The following TEX15 variants were observed in gnomAD, a reference collection of about 807,000 sequenced individuals.
TEX15 encodes the protein testis-expressed protein 15.
A neutral mutation model predicts 237.3 loss-of-function variants in TEX15; 171 were observed. The observed-to-expected ratio is 0.72, with a 90% CI of 0.64 to 0.82. The LOEUF (loss-of-function observed/expected upper bound fraction) is 0.82. Among genes scored for constraint, TEX15 ranks in the 40% least tolerant of loss-of-function variants. The probability of loss-of-function intolerance (pLI) is 0.00; values close to 1 mark genes in which losing one functional copy is unlikely to be tolerated. For synonymous variants in TEX15, 1,338 were observed against 1,269.8 expected (o/e 1.05, Z -1.14); for missense variants, 3,750 against 3,646.5 (o/e 1.03, Z -0.73).
intron 1 of TEX15, among the ~76,000 whole-genome samples, chr8:30,901,960 C>A (rs1355555237): frequency 3.3e-5 from 5 of 152,192 alleles, no homozygotes; most frequent in African/African-American, 1.2e-4. Context: ...ACCTGTATTT[C>A]TGGTCTAGTG....
At chr8:30,874,804 AT>A in intron 4 of TEX15, 132 bp downstream of exon 4, 1 of 508,662 alleles carries the variant, frequency 2.0e-6, no homozygotes, top group Non-Finnish European at 3.0e-6. Context: ...GACTATGAGA[AT>A]GTAACAAAAA....
At chr8:30,901,085 C>T (rs1808996904) in intron 1 of TEX15, among the ~76,000 whole-genome samples, 1 of 152,232 alleles carries the variant, frequency 6.6e-6, no homozygotes, top group Non-Finnish European at 1.5e-5. Context: ...CTGCAATGAG[C>T]TGTGTTTGTG....
Position 30,845,617 on chromosome 8 carries a change from G to T in TEX15, c.4550C>A (p.Ser1517Ter), listed in dbSNP as rs771605655. 1.9e-6 allele frequency: 3 copies of T among 1,613,596 alleles called. No homozygotes were observed. In the East Asian group the frequency reaches 6.7e-5, roughly 36 times the overall value. Residue 1517 changes from serine to a stop codon, truncating the protein, a stop_gained, in exon 8 of 11, where the codon TCA (serine) becomes TAA (stop). Coordinates refer to ENST00000643185, the MANE Select transcript of TEX15 (RefSeq NM_001350162.2). LOFTEE classifies it high-confidence loss of function. The stretch of plus-strand genomic sequence containing the variant: ...GGATGTGGAGGATACAGGCAACTGT[G>T]ATTCAGGATGTTCTTGATTACAAAA... ...GEFCNQEHPE[S>*]QLPVSSTSQS... is the part of the protein sequence containing the mutation.
intron 1 of TEX15, among the ~76,000 whole-genome samples, chr8:30,910,588 G>C (rs920394364): frequency 6.7e-6 from 1 of 149,758 alleles, no homozygotes; most frequent in African/African-American, 2.5e-5. Context: ...GGGGACCAAA[G>C]GCTTGCACCA....
intron 10 of TEX15, among the ~76,000 whole-genome samples, chr8:30,835,935 A>G (rs373831227): frequency 3.8e-4 from 58 of 152,292 alleles, no homozygotes; most frequent in South Asian, 1.2e-3. Context: ...GTCTAATTGA[A>G]ATTTATTTTC....
rs1205924899 is a variant in TEX15 at position 30,842,807 on chromosome 8, T to C, written c.7360A>G (p.Thr2454Ala). 1 of 1,613,262 alleles carries C rather than the reference T, an allele frequency of 6.2e-7. No homozygotes were observed. The highest frequency in any genetic ancestry group is 1.3e-5 in the African/African-American group (1 of 74,928). ...MYIEIVMVSETIHFLKNSIAK... is the reference protein window; with the variant it reads ...MYIEIVMVSEAIHFLKNSIAK... Reference sequence around the variant, plus strand: ...ATTGAGTTTTTAAGAAAGTGAATTGTTTCTGAGACCATGACGATTTCAATA... The same window carrying C: ...ATTGAGTTTTTAAGAAAGTGAATTGCTTCTGAGACCATGACGATTTCAATA... Residue 2454 changes from threonine to alanine, a missense_variant, in exon 8 of 11, where the codon ACA (threonine) becomes GCA (alanine). Coordinates refer to ENST00000643185, the MANE Select transcript of TEX15 (RefSeq NM_001350162.2).
In TEX15 at chr8:30,848,102, C is replaced by G; in HGVS notation, c.2065G>C (p.Glu689Gln). The G allele has an allele frequency of 6.2e-7, 1 of 1,610,266 alleles. No homozygotes were observed. Among genetic ancestry groups the G allele is most frequent in the Non-Finnish European group, 8.5e-7 (1 of 1,178,072 alleles). The change falls in exon 8 of 11, where the codon GAA becomes CAA. Residue 689 changes from glutamate (E) to glutamine (Q), a missense_variant. By Grantham distance (29) the Glu-to-Gln change is conservative. Transcript: ENST00000643185. Reference sequence around the variant, plus strand: ...GTAGATGTAGAAGATTTTGTTATTTCTAACTCTTGAGTAATTAATATTTTA... The same window carrying G: ...GTAGATGTAGAAGATTTTGTTATTTGTAACTCTTGAGTAATTAATATTTTA... ...CDKILITQELEITKSSTSTIK... is the reference protein window; with the variant it reads ...CDKILITQELQITKSSTSTIK...
intron 1 of TEX15, among the ~76,000 whole-genome samples, chr8:30,908,103 T>C (rs1199531393): frequency 1.3e-5 from 2 of 152,046 alleles, no homozygotes; most frequent in South Asian, 2.1e-4. Flanking sequence ...CTTAAATTTT[T>C]TGTAGAGATG....
Position 30,846,974 on chromosome 8 carries a change from ATTCTAT to A in TEX15, c.3187_3192del (p.Ile1063_Glu1064del), listed in dbSNP as rs1256449296. ...ATAAAAGCATCATCACAATCTTCTA[ATTCTAT>A]TTCAATTTCACTTTCCAATTCAATG... On this transcript the variant is annotated inframe_deletion, in exon 8 of 11. Transcript: ENST00000643185. 1.2e-6 allele frequency: 2 copies of A among 1,613,374 alleles called. No homozygotes were observed. Among genetic ancestry groups the A allele is most frequent in the East Asian group, 2.2e-5 (1 of 44,878 alleles).
chr8:30,837,492 G>T lies in TEX15; in HGVS notation c.8792C>A (p.Ser2931Tyr). ...NDIVNSSIKN[S>Y]SCMTSPEPIC... ...GGGTTCTGGAGAAGTCATGCATGAG[G>T]AATTTTTAATAGATGAATTTACTAT... Residue 2931 changes from serine to tyrosine, a missense_variant, in exon 10 of 11, where the codon TCC becomes TAC. Ser to Tyr is a moderately radical substitution (Grantham distance 144). Coordinates refer to ENST00000643185, the MANE Select transcript of TEX15 (RefSeq NM_001350162.2). 6.2e-7 allele frequency: 1 copy of T among 1,613,480 alleles called. No homozygotes were observed. The highest frequency in any genetic ancestry group is 8.5e-7 in the Non-Finnish European group (1 of 1,179,528).
intron 1 of TEX15, among the ~76,000 whole-genome samples, chr8:30,904,621 CCT>C (rs553409419): frequency 2.8e-4 from 43 of 152,212 alleles, no homozygotes; most frequent in Non-Finnish European, 4.6e-4. Flanking sequence ...TTTTCCTCCC[CCT>C]GTGAGTTGTT....
intron 3 of TEX15, among the ~76,000 whole-genome samples, chr8:30,875,313 C>T (rs1356412842): frequency 6.6e-6 from 1 of 152,184 alleles, no homozygotes; most frequent in Non-Finnish European, 1.5e-5. Context: ...ATTTTCTCCA[C>T]ATACCTATTA....
chr8:30,838,332 A>T (rs73570206), intron 9 of TEX15, among the ~76,000 whole-genome samples: 46 of 152,260 alleles, frequency 3.0e-4, no homozygotes, highest in African/African-American at 9.9e-4. Flanking sequence ...ACATTTTCTA[A>T]TGGAGGCTTT....
At chr8:30,866,185 A>G (rs1337789473) in intron 5 of TEX15, among the ~76,000 whole-genome samples, 1 of 152,042 alleles carries the variant, frequency 6.6e-6, no homozygotes, top group African/African-American at 2.4e-5. Context: ...AATCTCATTT[A>G]CAACAGTTGC....
At chr8:30,883,399 A>G (rs924580252) in intron 3 of TEX15, among the ~76,000 whole-genome samples, 2 of 151,518 alleles carry the variant, frequency 1.3e-5, no homozygotes, top group Non-Finnish European at 2.9e-5. Flanking sequence ...TTTTACTTTA[A>G]GTTCTGGGGT....
At position 30,845,675 on chromosome 8, in the gene TEX15, T is replaced by G. The variant is rs1358715149; in HGVS notation, c.4492A>C (p.Lys1498Gln). The G allele has an allele frequency of 3.1e-6, 5 of 1,613,504 alleles. No homozygotes were observed. In the Admixed American group the frequency reaches 5.0e-5, roughly 16 times the overall value. ...SRKSMASSVS[K>Q]SHPTTSHMGE... Reference sequence around the variant, plus strand: ...ATGTGACTGGTGGTGGGGTGACTTTTTGAGACACTGCTAGCCATACTTTTC... The same window carrying G: ...ATGTGACTGGTGGTGGGGTGACTTTGTGAGACACTGCTAGCCATACTTTTC... Residue 1498 changes from lysine to glutamine, a missense_variant, in exon 8 of 11, where the codon AAA becomes CAA. Transcript: ENST00000643185.
intron 8 of TEX15, among the ~76,000 whole-genome samples, chr8:30,840,672 A>G (rs906479652): frequency 3.3e-5 from 5 of 152,162 alleles, no homozygotes; most frequent in Non-Finnish European, 7.4e-5. Context: ...AGTATTGTAT[A>G]CAGTACTACT....
chr8:30,868,945 A>G (rs931872829), intron 4 of TEX15, among the ~76,000 whole-genome samples: 5 of 151,486 alleles, frequency 3.3e-5, no homozygotes, highest in East Asian at 1.9e-4. Flanking sequence ...TGAAACAAAT[A>G]TAACAATAAA....
intron 4 of TEX15, 72 bp from the exon 5 acceptor site, chr8:30,867,574 C>T: frequency 2.4e-6 from 2 of 832,082 alleles, no homozygotes; most frequent in South Asian, 3.3e-5. Context: ...TACATATTTC[C>T]ACTTACCACA....
Sources: gnomAD v4.1 joint callset for allele counts (sites outside exome capture counted in the v4.1 genomes callset) on GRCh38, gnomAD v4.1.1 for gene constraint, MANE v1.5 for transcripts, NCBI Gene and HGNC (gene_info 2026-07-23, HGNC 2026-07-21) for gene names.